Variants in SLC2A13 observed in about 807,000 individuals in gnomAD.
SLC2A13 encodes proton myo-inositol cotransporter.
SLC2A13 carries 32 observed loss-of-function variants against 64.4 expected under a neutral mutation model. That is an observed-to-expected ratio of 0.50 (90% confidence interval 0.37 to 0.67). SLC2A13 has a LOEUF of 0.67. Ranked by LOEUF, SLC2A13 falls within the 30% of genes least tolerant of loss-of-function variation. The pLI, the probability that SLC2A13 is intolerant of heterozygous loss-of-function variation, is 0.00. For synonymous variants in SLC2A13, 338 were observed against 327.1 expected (o/e 1.03, Z -0.36); for missense variants, 743 against 829.2 (o/e 0.90, Z 1.28).
At chr12:39,914,802 G>A (rs142009826) in intron 4 of SLC2A13, among the ~76,000 whole-genome samples, 4 of 151,850 alleles carry the variant, frequency 2.6e-5, no homozygotes, top group East Asian at 1.9e-4. Flanking sequence ...GAAAAACATC[G>A]GAAAAATTTA....
At chr12:39,766,366 A>ACAT (rs1433712819) in intron 7 of SLC2A13, among the ~76,000 whole-genome samples, 1 of 152,076 alleles carries the variant, frequency 6.6e-6, no homozygotes, top group Non-Finnish European at 1.5e-5. Flanking sequence ...GTGTTCAATA[A>ACAT]CATTGTCTAA....
chr12:39,764,271 G>A lies in SLC2A13; in HGVS notation c.1720+189C>T, dbSNP rs555828166. Among the ~76,000 whole-genome samples, 12 of 152,160 alleles carry A rather than the reference G, an allele frequency of 7.9e-5. No individual in the cohort carries two copies. The East Asian group carries it at 2.3e-3, about 30-fold the overall frequency. The stretch of plus-strand genomic sequence containing the variant: ...GTGGAACAAGAAGCAGTGCTGTTTA[G>A]GATAGGAGAATCCCTCTCTTCTTTC... On this transcript the variant is annotated intron_variant, in intron 9 of 9. Coordinates refer to ENST00000280871, the MANE Select transcript of SLC2A13 (RefSeq NM_052885.4).
intron 7 of SLC2A13, among the ~76,000 whole-genome samples, chr12:39,789,095 A>G (rs879456132): frequency 2.0e-5 from 3 of 152,074 alleles, no homozygotes; most frequent in Admixed American, 2.0e-4. Flanking sequence ...TTACTCACCA[A>G]TCAGCTTATT....
intron 4 of SLC2A13, among the ~76,000 whole-genome samples, chr12:39,930,390 A>C (rs1191414109): frequency 6.6e-6 from 1 of 152,152 alleles, no homozygotes; most frequent in Non-Finnish European, 1.5e-5. Flanking sequence ...CGTAATGAAA[A>C]TGGTATATAT....
At chr12:39,835,396 C>T (rs1245614965) in intron 6 of SLC2A13, among the ~76,000 whole-genome samples, 2 of 152,042 alleles carry the variant, frequency 1.3e-5, no homozygotes, top group African/African-American at 4.8e-5. Flanking sequence ...CTCTTACATA[C>T]TAATTTCAAG....
intron 3 of SLC2A13, among the ~76,000 whole-genome samples, chr12:40,015,005 G>A (rs1394314341): frequency 3.3e-5 from 5 of 152,080 alleles, no homozygotes; most frequent in African/African-American, 7.2e-5. Flanking sequence ...TTGTAGGTAC[G>A]TCTCTATTCC....
chr12:39,864,935 G>A (rs1008156587), intron 5 of SLC2A13, 53 bp from the exon 6 acceptor site: 16 of 1,515,034 alleles, frequency 1.1e-5, no homozygotes, highest in African/African-American at 4.3e-5. Context: ...TTGTTTTAAG[G>A]CAGACTGGGT....
intron 7 of SLC2A13, among the ~76,000 whole-genome samples, chr12:39,815,956 G>A (rs746688566): frequency 2.0e-5 from 3 of 152,114 alleles, no homozygotes; most frequent in Non-Finnish European, 2.9e-5. Context: ...TTTCTGTTCT[G>A]AGTATACATT....
intron 1 of SLC2A13, among the ~76,000 whole-genome samples, chr12:40,058,961 A>G (rs1948376067): frequency 1.3e-5 from 2 of 152,138 alleles, no homozygotes; most frequent in African/African-American, 4.8e-5. Context: ...TGGCTAATAA[A>G]CATCTTTTCA....
intron 7 of SLC2A13, among the ~76,000 whole-genome samples, chr12:39,800,354 A>G (rs765411897): frequency 6.6e-6 from 1 of 152,096 alleles, no homozygotes; most frequent in Non-Finnish European, 1.5e-5. Flanking sequence ...CATCTGACAA[A>G]GGGCTAATAT....
chr12:39,837,820 T>A (rs1943059228), intron 6 of SLC2A13, among the ~76,000 whole-genome samples: 1 of 152,000 alleles, frequency 6.6e-6, no homozygotes, highest in Non-Finnish European at 1.5e-5. Flanking sequence ...AGAATGGCAA[T>A]CATTAAAAAG....
At chr12:39,769,668 T>C (rs1400409387) in intron 7 of SLC2A13, among the ~76,000 whole-genome samples, 1 of 151,998 alleles carries the variant, frequency 6.6e-6, no homozygotes, top group Non-Finnish European at 1.5e-5. Context: ...TCCATCAATA[T>C]CTCTTCTTTT....
At chr12:40,007,335 A>G (rs1490404779) in intron 3 of SLC2A13, among the ~76,000 whole-genome samples, 1 of 152,244 alleles carries the variant, frequency 6.6e-6, no homozygotes. Context: ...CACACGGTCT[A>G]GTAAGTATAT....
chr12:39,919,516 A>T (rs1565541915), intron 4 of SLC2A13, among the ~76,000 whole-genome samples: 1 of 152,092 alleles, frequency 6.6e-6, no homozygotes, highest in Non-Finnish European at 1.5e-5. Context: ...TACATTTAAG[A>T]TTTCTCTATA....
intron 2 of SLC2A13, among the ~76,000 whole-genome samples, chr12:40,045,257 G>C (rs1394220520): frequency 1.3e-5 from 2 of 151,748 alleles, no homozygotes; most frequent in South Asian, 4.2e-4. Context: ...TTGAAGACTG[G>C]GGACATCTAA....
At chr12:40,099,581 A>G (rs1939077908) in intron 1 of SLC2A13, among the ~76,000 whole-genome samples, 1 of 152,202 alleles carries the variant, frequency 6.6e-6, no homozygotes, top group Non-Finnish European at 1.5e-5. Flanking sequence ...ATGTTTTCCA[A>G]GGAAGTCACG....
intron 1 of SLC2A13, among the ~76,000 whole-genome samples, chr12:40,049,038 C>T (rs1311918992): frequency 6.6e-6 from 1 of 152,058 alleles, no homozygotes; most frequent in East Asian, 1.9e-4. Flanking sequence ...TTAAGCCAAT[C>T]CAAATGATTT....
intron 7 of SLC2A13, among the ~76,000 whole-genome samples, chr12:39,784,962 G>T: frequency 6.6e-6 from 1 of 152,182 alleles, no homozygotes; most frequent in East Asian, 1.9e-4. Context: ...TGACTTGGGT[G>T]CTGTTAAAAG....
chr12:39,986,060 G>A (rs1490717524), intron 3 of SLC2A13, among the ~76,000 whole-genome samples: 2 of 152,114 alleles, frequency 1.3e-5, no homozygotes, highest in African/African-American at 4.8e-5. Flanking sequence ...CACATGACGG[G>A]AGGGGAGAGA....
Sources: allele counts gnomAD v4.1 joint callset (sites outside exome capture counted in the v4.1 genomes callset), GRCh38; gene constraint gnomAD v4.1.1; transcripts MANE v1.5; gene names NCBI Gene and HGNC (gene_info 2026-07-23, HGNC 2026-07-21).